Variants in NPSR1 observed in about 807,000 individuals in gnomAD.
NPSR1 encodes neuropeptide S receptor.
In NPSR1, 48 loss-of-function variants were observed where a neutral mutation model predicts 46.9. That is an observed-to-expected ratio of 1.02 (90% confidence interval 0.81 to 1.30). The LOEUF (loss-of-function observed/expected upper bound fraction) is 1.30. NPSR1 is among the 50% of genes most tolerant of loss of function. NPSR1 has a pLI of 0.00. For missense variants in NPSR1, 450 were observed against 449.5 expected, an observed-to-expected ratio of 1.00 and a Z score of -0.01; for synonymous variants, 176 against 168.1, an observed-to-expected ratio of 1.05 and a Z score of -0.36.
intron 1 of NPSR1, among the ~76,000 whole-genome samples, chr7:34,663,085 G>GTGTGTT (rs2128669591): frequency 6.8e-5 from 6 of 88,782 alleles, no homozygotes; most frequent in East Asian, 3.8e-4. Context: ...GTGTGTGTAT[G>GTGTGTT]TGTGTGTGGC....
intron 8 of NPSR1, among the ~76,000 whole-genome samples, chr7:34,874,237 A>G (rs1318705605): frequency 1.3e-5 from 2 of 152,230 alleles, no homozygotes; most frequent in Non-Finnish European, 2.9e-5. Flanking sequence ...TGCAGTGCTT[A>G]TCTGTGTGCA....
intron 8 of NPSR1, among the ~76,000 whole-genome samples, chr7:34,877,335 A>T (rs1311774691): frequency 6.6e-6 from 1 of 152,150 alleles, no homozygotes; most frequent in Non-Finnish European, 1.5e-5. Flanking sequence ...CCAAAACCTG[A>T]CACAAAGAAG....
intron 2 of NPSR1, among the ~76,000 whole-genome samples, chr7:34,701,708 G>A (rs35842584): frequency 5.9e-5 from 9 of 152,150 alleles, no homozygotes; most frequent in Non-Finnish European, 1.2e-4. Flanking sequence ...CAAACATTCA[G>A]AAAACTAAAT....
chr7:34,834,579 C>T (rs1182818828), intron 6 of NPSR1, 119 bp downstream of exon 6: 32 of 757,546 alleles, frequency 4.2e-5, no homozygotes, highest in Non-Finnish European at 3.3e-5. Flanking sequence ...ATATCAGGAC[C>T]CAGCCGGCAG....
Position 34,707,897 on chromosome 7 carries a change from G to C in NPSR1, c.280+23213G>C, listed in dbSNP as rs546316553. On this transcript the variant is annotated intron_variant, in intron 2 of 8. Transcript: ENST00000360581. The stretch of plus-strand genomic sequence containing the variant: ...TAGAAGCTAGAAGTCCTCTATCAAA[G>C]TGTTGGCTAATTTTATTTTGAGGCC... Among the ~76,000 whole-genome samples the C allele has an allele frequency of 9.2e-5, 14 of 152,304 alleles. No homozygotes were observed. In the South Asian group the frequency reaches 2.7e-3, roughly 29 times the overall value.
intron 8 of NPSR1, among the ~76,000 whole-genome samples, chr7:34,872,470 C>T (rs1199868670): frequency 1.3e-5 from 2 of 152,004 alleles, no homozygotes; most frequent in East Asian, 3.8e-4. Flanking sequence ...GGTTGCTCCA[C>T]AGCGTGCTTG....
At chr7:34,776,331 A>G (rs747693981) in intron 2 of NPSR1, among the ~76,000 whole-genome samples, 3 of 152,154 alleles carry the variant, frequency 2.0e-5, no homozygotes, top group Non-Finnish European at 4.4e-5. Context: ...TATGGGGTCT[A>G]TATCTCTCTT....
rs199565777 is a variant in NPSR1 at position 34,834,435 on chromosome 7, C to T, written c.732C>T (p.Tyr244=). ...IRTIWIKSKT[Y]ETVISNCSDG... Reference sequence around the variant, plus strand: ...CTATTTGGATTAAAAGCAAAACCTACGAAACAGTGATTTCCAACTGCTCAG... The same window carrying T: ...CTATTTGGATTAAAAGCAAAACCTATGAAACAGTGATTTCCAACTGCTCAG... Residue 244 remains tyrosine, a synonymous_variant, in exon 6 of 9, where the codon TAC becomes TAT. Transcript: ENST00000360581. 59 of 1,612,866 alleles carry T rather than the reference C, an allele frequency of 3.7e-5. No homozygotes were observed. The highest frequency in any genetic ancestry group is 8.0e-5 in the African/African-American group (6 of 74,894).
intron 1 of NPSR1, among the ~76,000 whole-genome samples, chr7:34,671,201 A>G (rs1265121085): frequency 2.6e-5 from 4 of 152,136 alleles, no homozygotes; most frequent in African/African-American, 9.7e-5. Flanking sequence ...TAAATATAAT[A>G]TATTTCAAGT....
chr7:34,847,408 G>C (rs1037670392), intron 7 of NPSR1, among the ~76,000 whole-genome samples: 6 of 148,382 alleles, frequency 4.0e-5, no homozygotes, highest in Non-Finnish European at 7.7e-5. Context: ...AAATGAGAGA[G>C]AGAGAGAGAG....
At chr7:34,658,624 T>C in intron 1 of NPSR1, 65 bp downstream of exon 1, 1 of 1,469,728 alleles carries the variant, frequency 6.8e-7, no homozygotes, top group Non-Finnish European at 9.4e-7. Context: ...AACTTAAGAG[T>C]GTCAATTGAA....
At chr7:34,733,418 TAAAA>T (rs34203443) in intron 2 of NPSR1, among the ~76,000 whole-genome samples, 2 of 131,778 alleles carry the variant, frequency 1.5e-5, no homozygotes, top group Non-Finnish European at 3.2e-5. Flanking sequence ...GATTTTGTCT[TAAAA>T]AAAAAAAAAA....
At chr7:34,797,186 G>A (rs1056080141) in intron 3 of NPSR1, among the ~76,000 whole-genome samples, 1 of 152,150 alleles carries the variant, frequency 6.6e-6, no homozygotes, top group African/African-American at 2.4e-5. Context: ...CAGGGCTTGG[G>A]GAGAGGGAGG....
At chr7:34,810,972 A>G (rs1788953998) in intron 3 of NPSR1, among the ~76,000 whole-genome samples, 1 of 152,142 alleles carries the variant, frequency 6.6e-6, no homozygotes, top group African/African-American at 2.4e-5. Flanking sequence ...AACTCCTTAT[A>G]GGAGGGGGAG....
At chr7:34,747,129 CA>C (rs5883471) in intron 2 of NPSR1, among the ~76,000 whole-genome samples, 14,336 of 107,076 alleles carry the variant, frequency 0.13, 793 homozygotes, top group South Asian at 0.29. Context: ...ACCAAAAAAA[CA>C]AAAAAAAAAA....
chr7:34,671,262 T>C (rs1768769774), intron 1 of NPSR1, among the ~76,000 whole-genome samples: 1 of 152,152 alleles, frequency 6.6e-6, no homozygotes, highest in South Asian at 2.1e-4. Context: ...GATGGAAAAG[T>C]AAGAAATTCT....
At chr7:34,718,294 C>T (rs528480988) in intron 2 of NPSR1, among the ~76,000 whole-genome samples, 11 of 152,278 alleles carry the variant, frequency 7.2e-5, no homozygotes, top group African/African-American at 2.6e-4. Context: ...CAAATCTCTT[C>T]GATGCTTGTT....
intron 8 of NPSR1, among the ~76,000 whole-genome samples, chr7:34,856,887 A>C (rs1791062016): frequency 6.6e-6 from 1 of 151,494 alleles, no homozygotes; most frequent in African/African-American, 2.4e-5. Context: ...GAGAACTGAA[A>C]ACTGGTCCAG....
At chr7:34,850,122 T>A, downstream of NPSR1, 1 of 420,794 alleles carries the variant, frequency 2.4e-6, no homozygotes, top group Non-Finnish European at 3.2e-6. Context: ...AAAGTGTTTG[T>A]CCTTGAAATG....
Sources: gnomAD v4.1 joint callset for allele counts (sites outside exome capture counted in the v4.1 genomes callset) on GRCh38, gnomAD v4.1.1 for gene constraint, MANE v1.5 for transcripts, NCBI Gene and HGNC (gene_info 2026-07-23, HGNC 2026-07-21) for gene names.